The following FANCD2 variants were observed in gnomAD, a reference collection of about 807,000 sequenced individuals.
The protein encoded by FANCD2 is Fanconi anemia group D2 protein.
A neutral mutation model predicts 192.3 loss-of-function variants in FANCD2; 131 were observed. The observed-to-expected ratio is 0.68, with a 90% CI of 0.59 to 0.79. The LOEUF (loss-of-function observed/expected upper bound fraction) is 0.79. Ranked by LOEUF, FANCD2 falls within the 30% of genes least tolerant of loss-of-function variation. The probability of loss-of-function intolerance (pLI) is 0.00; values close to 1 mark genes in which losing one functional copy is unlikely to be tolerated. For synonymous variants in FANCD2, 524 were observed against 612.5 expected (o/e 0.86, Z 2.13); for missense variants, 1,508 against 1,701.6 (o/e 0.89, Z 2.00).
intron 31 of FANCD2, 49 bp downstream of exon 31, chr3:10,081,277 T>C (rs1340816848): frequency 1.2e-6 from 2 of 1,613,740 alleles, no homozygotes; most frequent in Non-Finnish European, 1.7e-6. Flanking sequence ...AGGTTTCATT[T>C]TTGGCTGAGA....
chr3:10,053,728 G>T (rs1476439092), intron 18 of FANCD2, among the ~76,000 whole-genome samples: 1 of 151,164 alleles, frequency 6.6e-6, no homozygotes, highest in African/African-American at 2.4e-5. Flanking sequence ...AACATTAAGT[G>T]CCTATTCTGT....
chr3:10,077,833 C>G (rs751756098), intron 29 of FANCD2, among the ~76,000 whole-genome samples: 1 of 151,866 alleles, frequency 6.6e-6, no homozygotes, highest in Non-Finnish European at 1.5e-5. Context: ...AGTTTGAGAC[C>G]AGCTTGGGCA....
intron 30 of FANCD2, among the ~76,000 whole-genome samples, chr3:10,079,617 G>T (rs1401803821): frequency 6.6e-6 from 1 of 151,930 alleles, no homozygotes; most frequent in Non-Finnish European, 1.5e-5. Context: ...TGAGCACTGC[G>T]CCCAGCCTAC....
rs773072936 is a variant in FANCD2, at chr3:10,042,588, G to T, written c.813G>T (p.Ser271=). 1 of 1,613,930 alleles carries T rather than the reference G, an allele frequency of 6.2e-7. No homozygotes were observed. Among genetic ancestry groups the T allele is most frequent in the South Asian group, 1.1e-5 (1 of 91,062 alleles). The stretch of plus-strand genomic sequence containing the variant: ...GCCAGTTGGTGATGGATAAGTTGTC[G>T]TCTATTAGATTGGAGGATTTACCTG... ...KVRQLVMDKL[S]SIRLEDLPVI... is the part of the protein sequence containing the mutation. Residue 271 remains serine (S), a synonymous_variant, in exon 11 of 44, where the codon TCG becomes TCT. Transcript: ENST00000675286.
intron 2 of FANCD2, among the ~76,000 whole-genome samples, chr3:10,029,792 G>C (rs2086545970): frequency 6.6e-6 from 1 of 151,972 alleles, no homozygotes; most frequent in Admixed American, 6.6e-5. Flanking sequence ...TGTTGTTGTT[G>C]TTGTTGTTTG....
rs779242727 is a variant in FANCD2 at position 10,090,379 on chromosome 3, G to A, written c.3771G>A (p.Ser1257=). 11 of 1,602,652 alleles carry A rather than the reference G, an allele frequency of 6.9e-6. No individual in the cohort carries two copies. In the East Asian group the frequency reaches 1.8e-4, roughly 26 times the overall value. ...KKIEPGTAAD[S]QQIHEEKLLY... is the part of the protein sequence containing the mutation. ...TTGAGCCTGGCACAGCAGCAGACTC[G>A]CAGCAGGTGAGTAAGATAATAGTCA... The change falls in exon 37 of 44, where the codon TCG becomes TCA. Residue 1257 remains serine, a synonymous_variant. Coordinates refer to ENST00000675286, the MANE Select transcript of FANCD2 (RefSeq NM_001018115.3).
intron 11 of FANCD2, 75 bp downstream of exon 11, chr3:10,042,738 C>T: frequency 9.1e-7 from 1 of 1,103,740 alleles, no homozygotes; most frequent in Non-Finnish European, 1.4e-6. Context: ...CCCAGACTAA[C>T]TGAGAATACT....
intron 10 of FANCD2, 122 bp from the exon 11 acceptor site, chr3:10,042,437 A>G: frequency 1.2e-6 from 1 of 853,520 alleles, no homozygotes; most frequent in Non-Finnish European, 1.9e-6. Context: ...GTTTTTCCCT[A>G]AATTATAAGT....
At chr3:10,045,033 T>G (rs1337141621) in intron 14 of FANCD2, among the ~76,000 whole-genome samples, 1 of 151,968 alleles carries the variant, frequency 6.6e-6, no homozygotes, top group Non-Finnish European at 1.5e-5. Context: ...TCAGTTAAGA[T>G]AAGTAGTAAA....
rs1262479173 is a variant in FANCD2 at position 10,090,287 on chromosome 3, T to C, written c.3684-5T>C. On this transcript the variant is annotated splice_polypyrimidine_tract_variant and splice_region_variant and intron_variant, in intron 36 of 43. Coordinates refer to ENST00000675286, the MANE Select transcript of FANCD2 (RefSeq NM_001018115.3). Reference sequence around the variant, plus strand: ...GTGGGCACGCATGCTTTTCCCGTCTTCTAGGCATACTTTTGTTGTTTTCTT... The same window carrying C: ...GTGGGCACGCATGCTTTTCCCGTCTCCTAGGCATACTTTTGTTGTTTTCTT... 3.1e-6 allele frequency: 5 copies of C among 1,611,396 alleles called. No homozygotes were observed. Among genetic ancestry groups the C allele is most frequent in the Non-Finnish European group, 4.2e-6 (5 of 1,178,044 alleles).
intron 32 of FANCD2, among the ~76,000 whole-genome samples, chr3:10,082,442 T>G (rs1693901346): frequency 6.6e-6 from 1 of 152,166 alleles, no homozygotes; most frequent in Non-Finnish European, 1.5e-5. Context: ...CCCAGTTTGA[T>G]CCTATCCCAA....
chr3:10,073,283 C>T lies in FANCD2; in HGVS notation c.2636C>T (p.Thr879Ile). The change falls in exon 28 of 44, where the codon ACA (threonine) becomes ATA (isoleucine). Residue 879 changes from threonine to isoleucine, a missense_variant. Around this residue, in one of 5 missense-constraint regions of FANCD2, gnomAD observed 796 missense variants for 879.4 expected, o/e 0.91. Coordinates refer to ENST00000675286, the MANE Select transcript of FANCD2 (RefSeq NM_001018115.3). ...AAACAAAAAACAGATGGCAGCAAGA[C>T]ATCCTCCTCTGACACACTTTCAGAA... is the stretch of plus-strand genomic sequence containing the variant. ...ERKQKTDGSKTSSSDTLSEEK... is the reference protein window; with the variant it reads ...ERKQKTDGSKISSSDTLSEEK... 6.2e-7 allele frequency: 1 copy of T among 1,613,902 alleles called. No homozygotes were observed. Among genetic ancestry groups the T allele is most frequent in the Non-Finnish European group, 8.5e-7 (1 of 1,179,812 alleles).
intron 36 of FANCD2, 80 bp from the exon 37 acceptor site, chr3:10,090,212 A>T: frequency 1.0e-6 from 1 of 992,818 alleles, no homozygotes; most frequent in African/African-American, 1.6e-5. Context: ...GAAGGAAGCT[A>T]CTTTTGGTTC....
intron 18 of FANCD2, among the ~76,000 whole-genome samples, chr3:10,055,491 A>G (rs2087381552): frequency 6.6e-6 from 1 of 152,210 alleles, no homozygotes; most frequent in South Asian, 2.1e-4. Context: ...AGCATGCATC[A>G]GAACTTTATT....
At chr3:10,054,725 C>T (rs1269918743) in intron 18 of FANCD2, among the ~76,000 whole-genome samples, 1 of 150,616 alleles carries the variant, frequency 6.6e-6, no homozygotes, top group African/African-American at 2.4e-5. Flanking sequence ...CCTCATGATC[C>T]GCCAGCCTCG....
rs952089125 is a variant in FANCD2 at position 10,049,609 on chromosome 3, C to G, written c.1545+104C>G. ...GGCAAGTAATATAAATAAAAAGTGACTATTCTATCTATGTGTTAATTCATT... is the reference window on the plus strand; with the variant it reads ...GGCAAGTAATATAAATAAAAAGTGAGTATTCTATCTATGTGTTAATTCATT... On this transcript the variant is annotated intron_variant, in intron 17 of 43. Coordinates refer to ENST00000675286, the MANE Select transcript of FANCD2 (RefSeq NM_001018115.3). 6 of 1,101,372 alleles carry G rather than the reference C, an allele frequency of 5.4e-6. No individual in the cohort carries two copies. In the East Asian group the frequency reaches 1.2e-4, roughly 22 times the overall value. 68.2% of individuals were successfully genotyped at this position (1,101,372 alleles called of 1,614,324 possible). A position where few individuals can be genotyped will look rare whatever the true frequency, so the allele number is the denominator to read the frequency against.
chr3:10,074,172 C>T (rs979849218), intron 28 of FANCD2, among the ~76,000 whole-genome samples: 2 of 152,156 alleles, frequency 1.3e-5, no homozygotes, highest in Non-Finnish European at 2.9e-5. Flanking sequence ...TCTCAAACTC[C>T]TGACCTCGTG....
intron 26 of FANCD2, among the ~76,000 whole-genome samples, chr3:10,068,724 C>T (rs561290805): frequency 6.6e-5 from 10 of 150,936 alleles, no homozygotes; most frequent in Non-Finnish European, 8.8e-5. Flanking sequence ...CTGGAGGAAT[C>T]GCATTACCTG....
intron 14 of FANCD2, among the ~76,000 whole-genome samples, chr3:10,045,091 T>TTTTTTTTTTTG (rs2086965084): frequency 6.6e-6 from 1 of 150,880 alleles, no homozygotes; most frequent in Admixed American, 6.6e-5. Context: ...TTTAACTGTT[T>TTTTTTTTTTTG]TTTTTTTTTT....
Sources: gnomAD v4.1 joint callset for allele counts (sites outside exome capture counted in the v4.1 genomes callset) on GRCh38, gnomAD v4.1.1 for gene constraint, gnomAD v4.1.1 regional missense constraint, MANE v1.5 for transcripts, NCBI Gene and HGNC (gene_info 2026-07-23, HGNC 2026-07-21) for gene names.